The following R3HCC1L variants were observed in gnomAD, a reference collection of about 807,000 sequenced individuals.
The protein encoded by R3HCC1L is R3H domain and coiled-coil containing 1 like.
Under a neutral mutation model 59.9 loss-of-function variants are expected in R3HCC1L, and 51 were observed. That is an observed-to-expected ratio of 0.85 (90% CI 0.68 to 1.07). The LOEUF (loss-of-function observed/expected upper bound fraction) is 1.07, where lower values mean the gene tolerates loss of function less well. Among genes scored for constraint, R3HCC1L ranks in the 50% least tolerant of loss-of-function variants. The probability of loss-of-function intolerance (pLI) is 0.00; values close to 1 mark genes in which losing one functional copy is unlikely to be tolerated. For missense variants in R3HCC1L, 965 were observed against 933.0 expected, an observed-to-expected ratio of 1.03 and a Z score of -0.45; for synonymous variants, 322 against 315.2, an observed-to-expected ratio of 1.02 and a Z score of -0.23.
intron 4 of R3HCC1L, among the ~76,000 whole-genome samples, chr10:98,204,864 T>C (rs1057192329): frequency 6.6e-6 from 1 of 152,196 alleles, no homozygotes; most frequent in Non-Finnish European, 1.5e-5. Context: ...GGTTTGGTAC[T>C]ATCCATGGTC....
intron 4 of R3HCC1L, among the ~76,000 whole-genome samples, chr10:98,164,820 G>T (rs1356481513): frequency 1.3e-5 from 2 of 152,184 alleles, no homozygotes; most frequent in Non-Finnish European, 2.9e-5. Context: ...GAGCAGAGCA[G>T]TTTCTAAGTT....
In R3HCC1L at chr10:98,149,097, G is replaced by A. The variant is rs149376521; in HGVS notation, c.-267-6996G>A. Among the ~76,000 whole-genome samples the A allele has an allele frequency of 3.8e-3, 582 of 152,230 alleles. 4 individuals carry two copies. The highest frequency in any genetic ancestry group is 0.013 in the African/African-American group (526 of 41,552). ...TTTCTTCATGGTTCAATCTTGATAG[G>A]TTGTATGTGTCCAGGAATTTATCCA... On this transcript the variant is annotated intron_variant, in intron 1 of 9. Transcript: ENST00000298999.
At position 98,208,563 on chromosome 10, in the gene R3HCC1L, T is replaced by C. The variant is rs1478319985; in HGVS notation, c.449T>C (p.Val150Ala). The change falls in exon 5 of 10, where the codon GTT (valine) becomes GCT (alanine). Residue 150 changes from valine (V) to alanine (A), a missense_variant. By Grantham distance (64) the Val-to-Ala change is moderately conservative. Transcript: ENST00000298999. ...CCAAAGAAGGTGGAGTGTTTGGAAG[T>C]TGAAACTACGGATGTGACAGGACAT... ...FKPKKVECLE[V>A]ETTDVTGHER... is the part of the protein sequence containing the mutation. 4 of 1,614,098 alleles carry C rather than the reference T, an allele frequency of 2.5e-6. No homozygotes were observed. The Admixed American group carries it at 5.0e-5, about 20-fold the overall frequency.
chr10:98,208,601 C>G lies in R3HCC1L; in HGVS notation c.487C>G (p.Leu163Val), dbSNP rs748729724. The change falls in exon 5 of 10, where the codon CTT (leucine) becomes GTT (valine). Residue 163 changes from leucine (L) to valine (V), a missense_variant. Physicochemically the swap from Leu to Val is conservative, Grantham distance 32. Transcript: ENST00000298999. ...TGTGACAGGACATGAGAGGATACTT[C>G]TTTCACAGGCCTGTTTAGAAATCAG... ...TDVTGHERIL[L>V]SQACLEISEA... is the part of the protein sequence containing the mutation. 1 of 1,614,092 alleles carries G rather than the reference C, an allele frequency of 6.2e-7. No individual in the cohort carries two copies. Among genetic ancestry groups the G allele is most frequent in the South Asian group, 1.1e-5 (1 of 91,062 alleles).
intron 1 of R3HCC1L, among the ~76,000 whole-genome samples, chr10:98,140,359 A>C (rs1845022025): frequency 6.6e-6 from 1 of 152,206 alleles, no homozygotes; most frequent in African/African-American, 2.4e-5. Context: ...TGAGGTGGAT[A>C]ACTGGGGGAG....
intron 4 of R3HCC1L, among the ~76,000 whole-genome samples, chr10:98,166,692 T>A (rs1847977074): frequency 6.6e-6 from 1 of 152,162 alleles, no homozygotes; most frequent in African/African-American, 2.4e-5. Flanking sequence ...TCTTTCCAAT[T>A]AGGTAGAGAC....
At chr10:98,141,421 GTA>G (rs1845128416) in intron 1 of R3HCC1L, among the ~76,000 whole-genome samples, 1 of 152,298 alleles carries the variant, frequency 6.6e-6, no homozygotes, top group Non-Finnish European at 1.5e-5. Context: ...GGGGTGGTGT[GTA>G]TGTGTGTAAT....
intron 4 of R3HCC1L, among the ~76,000 whole-genome samples, chr10:98,199,716 G>T (rs1053040274): frequency 6.6e-6 from 1 of 151,000 alleles, no homozygotes; most frequent in African/African-American, 2.4e-5. Flanking sequence ...ATGGAGACAA[G>T]ATTTATTAGT....
chr10:98,137,835 A>G (rs1480716180), intron 1 of R3HCC1L, among the ~76,000 whole-genome samples: 1 of 152,196 alleles, frequency 6.6e-6, no homozygotes, highest in Non-Finnish European at 1.5e-5. Context: ...TATGACTCAG[A>G]TATTGACTAG....
chr10:98,237,461 A>G (rs1857086206), intron 9 of R3HCC1L, among the ~76,000 whole-genome samples: 1 of 152,078 alleles, frequency 6.6e-6, no homozygotes, highest in South Asian at 2.1e-4. Context: ...ATCCTGCAGC[A>G]GTGGTTTTGC....
intron 4 of R3HCC1L, among the ~76,000 whole-genome samples, chr10:98,195,770 T>G (rs1851367330): frequency 6.6e-6 from 1 of 152,216 alleles, no homozygotes; most frequent in Non-Finnish European, 1.5e-5. Context: ...AATAACTTTG[T>G]ATCTAGTTTT....
At chr10:98,166,843 T>G (rs1384061617) in intron 4 of R3HCC1L, among the ~76,000 whole-genome samples, 4 of 152,148 alleles carry the variant, frequency 2.6e-5, no homozygotes, top group Non-Finnish European at 4.4e-5. Context: ...TTTTTTGTAT[T>G]TTTAGTAGAA....
intron 4 of R3HCC1L, among the ~76,000 whole-genome samples, chr10:98,177,373 T>G (rs1564650941): frequency 6.6e-6 from 1 of 152,222 alleles, no homozygotes; most frequent in Non-Finnish European, 1.5e-5. Context: ...TCCTTTCTTT[T>G]GGCTGCGTGG....
At chr10:98,241,477 A>C (rs1857527848) in intron 9 of R3HCC1L, among the ~76,000 whole-genome samples, 1 of 152,152 alleles carries the variant, frequency 6.6e-6, no homozygotes, top group African/African-American at 2.4e-5. Flanking sequence ...GAAAGTTTTC[A>C]GGGCCAGCCA....
At chr10:98,146,181 T>A (rs964119847) in intron 1 of R3HCC1L, among the ~76,000 whole-genome samples, 1 of 151,724 alleles carries the variant, frequency 6.6e-6, no homozygotes, top group African/African-American at 2.4e-5. Flanking sequence ...AGCATCTTTT[T>A]TGGTTACAGC....
chr10:98,202,856 A>T (rs1383322274), intron 4 of R3HCC1L, among the ~76,000 whole-genome samples: 3 of 149,916 alleles, frequency 2.0e-5, no homozygotes, highest in African/African-American at 7.5e-5. Flanking sequence ...ACTCCGTCAC[A>T]GGAAAAAAAA....
intron 4 of R3HCC1L, among the ~76,000 whole-genome samples, chr10:98,205,862 A>G (rs1323673597): frequency 2.6e-5 from 4 of 152,218 alleles, no homozygotes; most frequent in Admixed American, 2.6e-4. Flanking sequence ...GAGTTTCTCT[A>G]GTATATGTCA....
In R3HCC1L at chr10:98,140,508, C is replaced by T. The variant is rs114743220; in HGVS notation, c.-268+5802C>T. On this transcript the variant is annotated intron_variant, in intron 1 of 9. Transcript: ENST00000298999. Reference sequence around the variant, plus strand: ...AAACAGAGAGGGACAGTCACCTAGGCAGAGTTAGAAAGCAGGGTAATCAGA... The same window carrying T: ...AAACAGAGAGGGACAGTCACCTAGGTAGAGTTAGAAAGCAGGGTAATCAGA... Among the ~76,000 whole-genome samples, 476 of 152,022 alleles carry T rather than the reference C, an allele frequency of 3.1e-3. 1 individual carries two copies. The highest frequency in any genetic ancestry group is 0.011 in the African/African-American group (456 of 41,460).
In R3HCC1L at chr10:98,141,799, A is replaced by G. The variant is rs185324323; in HGVS notation, c.-268+7093A>G. Reference sequence around the variant, plus strand: ...AACATCTAGAGAGAACCAGGTGGAAACTGCATTACTTTTTGTGACCAAGCC... The same window carrying G: ...AACATCTAGAGAGAACCAGGTGGAAGCTGCATTACTTTTTGTGACCAAGCC... On this transcript the variant is annotated intron_variant, in intron 1 of 9. Transcript: ENST00000298999. Among the ~76,000 whole-genome samples, 7 of 152,276 alleles carry G rather than the reference A, an allele frequency of 4.6e-5. No homozygotes were observed. In the East Asian group the frequency reaches 1.3e-3, roughly 29 times the overall value.
Sources: gnomAD v4.1 joint callset for allele counts (sites outside exome capture counted in the v4.1 genomes callset) on GRCh38, gnomAD v4.1.1 for gene constraint, MANE v1.5 for transcripts, NCBI Gene and HGNC (gene_info 2026-07-23, HGNC 2026-07-21) for gene names.